The following PTPRF variants were observed in gnomAD, a reference collection of about 807,000 sequenced individuals.
The protein encoded by PTPRF is receptor-type tyrosine-protein phosphatase F.
Under a neutral mutation model 201.8 loss-of-function variants are expected in PTPRF, and 59 were observed. That is an observed-to-expected ratio of 0.29 (90% CI 0.24 to 0.36). PTPRF has a LOEUF of 0.36. Ranked by LOEUF, PTPRF falls within the 10% of genes least tolerant of loss-of-function variation. The pLI is 1.00. For missense variants in PTPRF, 2,132 were observed against 2,690.5 expected, an observed-to-expected ratio of 0.79 and a Z score of 4.59; for synonymous variants, 1,088 against 1,089.7, an observed-to-expected ratio of 1.00 and a Z score of 0.03.
intron 6 of PTPRF, among the ~76,000 whole-genome samples, chr1:43,578,002 C>T (rs1244146081): frequency 6.6e-6 from 1 of 152,200 alleles, no homozygotes; most frequent in Non-Finnish European, 1.5e-5. Flanking sequence ...GCCTCCCCCG[C>T]CAGGACCTGT....
intron 5 of PTPRF, among the ~76,000 whole-genome samples, chr1:43,565,961 C>T (rs1379557814): frequency 4.6e-5 from 7 of 152,228 alleles, no homozygotes; most frequent in African/African-American, 1.7e-4. Flanking sequence ...TCGGCGCCAA[C>T]AGGAGGCGAT....
chr1:43,585,371 G>C (rs1367643181), intron 7 of PTPRF, among the ~76,000 whole-genome samples: 3 of 152,098 alleles, frequency 2.0e-5, no homozygotes, highest in African/African-American at 7.2e-5. Context: ...CCCTTCCTCT[G>C]TAGACATACC....
intron 2 of PTPRF, among the ~76,000 whole-genome samples, 200 bp downstream of exon 2, chr1:43,538,477 G>A (rs909391885): frequency 6.6e-6 from 1 of 152,172 alleles, no homozygotes; most frequent in South Asian, 2.1e-4. Flanking sequence ...TGGAGAGAAG[G>A]GATGTGAGTG....
chr1:43,535,357 C>A (rs1408497767), intron 1 of PTPRF, among the ~76,000 whole-genome samples: 1 of 152,080 alleles, frequency 6.6e-6, no homozygotes, highest in Non-Finnish European at 1.5e-5. Context: ...GTATTGAGTT[C>A]TCCATTTCCT....
At chr1:43,613,193 G>A (rs1656909859) in intron 22 of PTPRF, 1 of 311,300 alleles carries the variant, frequency 3.2e-6, no homozygotes, top group Non-Finnish European at 6.3e-6. Flanking sequence ...TGCCCGGGAT[G>A]ACGATGGCTG....
intron 7 of PTPRF, among the ~76,000 whole-genome samples, chr1:43,584,058 C>T (rs1376067568): frequency 1.3e-5 from 2 of 152,200 alleles, no homozygotes; most frequent in Non-Finnish European, 2.9e-5. Context: ...GTCCTTGAGC[C>T]CATTCCAGAG....
chr1:43,621,636 G>C (rs1346931977), intron 33 of PTPRF, among the ~76,000 whole-genome samples: 2 of 152,186 alleles, frequency 1.3e-5, no homozygotes, highest in Admixed American at 1.3e-4. Flanking sequence ...GGTGTGCCTG[G>C]CTCTGGGCAA....
At chr1:43,568,978 A>G (rs993639331) in intron 5 of PTPRF, among the ~76,000 whole-genome samples, 1 of 152,226 alleles carries the variant, frequency 6.6e-6, no homozygotes, top group Admixed American at 6.5e-5. Context: ...GCTCAAGGTC[A>G]AGGCTGCAGT....
Position 43,592,493 on chromosome 1 carries a change from C to A in PTPRF, c.1705C>A (p.Leu569Ile). 1 of 1,613,184 alleles carries A rather than the reference C, an allele frequency of 6.2e-7. No homozygotes were observed. Among genetic ancestry groups the A allele is most frequent in the Non-Finnish European group, 8.5e-7 (1 of 1,179,698 alleles). Residue 569 changes from leucine (L) to isoleucine (I), a missense_variant, in exon 11 of 34, where the codon CTA becomes ATA. This residue lies in a region of PTPRF where 351 missense variants were observed against 401.7 expected (regional missense o/e 0.87). Coordinates refer to ENST00000359947, the MANE Select transcript of PTPRF (RefSeq NM_002840.5). ...CTTCGACCCAACCTCCTCCTACACA[C>A]TAGAGGACCTGAAGCCTGACACACT... Reference protein sequence around the residue: ...VTFDPTSSYTLEDLKPDTLYR... With the variant: ...VTFDPTSSYTIEDLKPDTLYR...
chr1:43,621,323 G>A, intron 33 of PTPRF, 91 bp downstream of exon 33: 5 of 1,504,150 alleles, frequency 3.3e-6, no homozygotes, highest in Non-Finnish European at 4.5e-6. Flanking sequence ...CCACAGGCAT[G>A]TGCATTCATT....
chr1:43,605,839 G>A (rs577870141), intron 19 of PTPRF, among the ~76,000 whole-genome samples: 1 of 152,324 alleles, frequency 6.6e-6, no homozygotes, highest in East Asian at 1.9e-4. Flanking sequence ...GAATCCCTGG[G>A]GTGGGATGTC....
At position 43,542,431 on chromosome 1, in the gene PTPRF, A is replaced by G. The variant is rs1036549736; in HGVS notation, c.-45-2600A>G. Among the ~76,000 whole-genome samples the G allele has an allele frequency of 1.3e-5, 2 of 152,062 alleles. No homozygotes were observed. Among genetic ancestry groups the G allele is most frequent in the Non-Finnish European group, 2.9e-5 (2 of 67,988 alleles). The stretch of plus-strand genomic sequence containing the variant: ...AGAAGCTCTCTGTTCTACTTTCTGG[A>G]TCTGAACAAAGTGTCCTGAGCACCC... On this transcript the variant is annotated intron_variant, in intron 2 of 33. Coordinates refer to ENST00000359947, the MANE Select transcript of PTPRF (RefSeq NM_002840.5). The surrounding 1 kb of genome is among the most constrained non-coding windows in gnomAD (Gnocchi z 5.2).
intron 7 of PTPRF, chr1:43,579,511 G>T (rs767545694): frequency 9.1e-6 from 3 of 328,512 alleles, no homozygotes; most frequent in Non-Finnish European, 1.8e-5. Context: ...GTGAGCACCT[G>T]GTGTGTTCCA....
Position 43,604,114 on chromosome 1 carries a change from G to A in PTPRF, c.2962G>A (p.Val988Ile). Residue 988 changes from valine (V) to isoleucine (I), a missense_variant, in exon 16 of 34, where the codon GTC becomes ATC. Physicochemically the swap from Val to Ile is conservative, Grantham distance 29 (BLOSUM62 3). This residue lies in a region of PTPRF where 818 missense variants were observed against 915.3 expected (regional missense o/e 0.89). Coordinates refer to ENST00000359947, the MANE Select transcript of PTPRF (RefSeq NM_002840.5). ...LKPDTTYDIK[V>I]RAWTSKGSGP... ...GCCAGACACCACTTACGACATCAAG[G>A]TCCGCGCATGGACCAGCAAAGGCTC... 6.2e-7 allele frequency: 1 copy of A among 1,614,160 alleles called. No individual in the cohort carries two copies. The highest frequency in any genetic ancestry group is 2.2e-5 in the East Asian group (1 of 44,890).
chr1:43,574,515 A>C (rs1646795659), intron 6 of PTPRF, among the ~76,000 whole-genome samples: 1 of 152,218 alleles, frequency 6.6e-6, no homozygotes, highest in South Asian at 2.1e-4. Flanking sequence ...TTTGGGACTT[A>C]TATAGAAGGC....
In PTPRF at chr1:43,618,703, C is replaced by T. The variant is rs1459599287; in HGVS notation, c.4445C>T (p.Thr1482Ile). The T allele has an allele frequency of 1.2e-6, 2 of 1,612,166 alleles. No homozygotes were observed. Among genetic ancestry groups the T allele is most frequent in the Non-Finnish European group, 8.5e-7 (1 of 1,178,442 alleles). Residue 1482 changes from threonine (T) to isoleucine (I), a missense_variant, in exon 26 of 34, where the codon ACA becomes ATA. Transcript: ENST00000359947. ...CGLIQVTLLDTVELATYTVRT... is the reference protein window; with the variant it reads ...CGLIQVTLLDIVELATYTVRT... Reference sequence around the variant, plus strand: ...CTTATTCAGGTGACCCTGTTGGACACAGTGGAGCTGGCCACATACACTGTG... The same window carrying T: ...CTTATTCAGGTGACCCTGTTGGACATAGTGGAGCTGGCCACATACACTGTG...
intron 1 of PTPRF, among the ~76,000 whole-genome samples, chr1:43,533,620 G>A (rs991474743): frequency 6.6e-6 from 1 of 152,144 alleles, no homozygotes; most frequent in South Asian, 2.1e-4. Context: ...CTGTAAAATG[G>A]GGTAGCTAAT....
At chr1:43,595,225 T>C (rs1416949174) in intron 11 of PTPRF, among the ~76,000 whole-genome samples, 1 of 152,192 alleles carries the variant, frequency 6.6e-6, no homozygotes, top group Non-Finnish European at 1.5e-5. Context: ...GTTTTTGTTT[T>C]TTTGAGACAA....
rs557689305 is a variant in PTPRF, at chr1:43,588,441, C to T, written c.680-290C>T. 3.9e-5 allele frequency among the ~76,000 whole-genome samples: 6 copies of T among 152,328 alleles called. No homozygotes were observed. The East Asian group carries it at 7.7e-4, about 20-fold the overall frequency. ...TGTGACCCTGGGCAGACAGGACCTT[C>T]CTGACAGGCCTCAGTTTCCTAGGCT... On this transcript the variant is annotated intron_variant, in intron 7 of 33. Transcript: ENST00000359947. The surrounding 1 kb of genome is among the most constrained non-coding windows in gnomAD (Gnocchi z 5.3).
Sources: allele counts gnomAD v4.1 joint callset (sites outside exome capture counted in the v4.1 genomes callset), GRCh38; gene constraint gnomAD v4.1.1; regional missense constraint gnomAD v4.1.1; non-coding constraint Gnocchi (gnomAD v3.1); transcripts MANE v1.5; gene names NCBI Gene and HGNC (gene_info 2026-07-23, HGNC 2026-07-21).